EVL: variants seen among roughly 807,000 people sequenced by gnomAD.
EVL encodes Enah/Vasp-like, also known as ena/VASP-like protein.
EVL carries 21 observed loss-of-function variants against 59.6 expected under a neutral mutation model. The ratio of observed to expected loss-of-function variants is 0.35; its 90% confidence interval spans 0.25 to 0.51. The LOEUF (loss-of-function observed/expected upper bound fraction) is 0.51, where lower values mean the gene tolerates loss of function less well. Ranked by LOEUF, EVL falls within the 20% of genes least tolerant of loss-of-function variation. The pLI, the probability that EVL is intolerant of heterozygous loss-of-function variation, is 0.97. For synonymous variants in EVL, 198 were observed against 203.5 expected (o/e 0.97, Z 0.23); for missense variants, 462 against 546.6 (o/e 0.85, Z 1.54).
chr14:99,997,845 G>T (rs1218667359), intron 1 of EVL, among the ~76,000 whole-genome samples: 1 of 152,012 alleles, frequency 6.6e-6, no homozygotes, highest in Non-Finnish European at 1.5e-5. Context: ...CTTTCCTAAG[G>T]GGAAATACTC....
chr14:100,066,083 G>C (rs1314840175), intron 1 of EVL, among the ~76,000 whole-genome samples: 1 of 152,100 alleles, frequency 6.6e-6, no homozygotes, highest in Non-Finnish European at 1.5e-5. Context: ...CTCTCTAAAG[G>C]TGAGATTACA....
intron 1 of EVL, among the ~76,000 whole-genome samples, chr14:99,986,255 G>A (rs1473576606): frequency 7.1e-6 from 1 of 140,162 alleles, no homozygotes; most frequent in Non-Finnish European, 1.5e-5. Context: ...TTGCACCACC[G>A]TACTCCAGCC....
intron 12 of EVL, among the ~76,000 whole-genome samples, 171 bp from the exon 13 acceptor site, chr14:100,141,565 T>C (rs1889167218): frequency 6.6e-6 from 1 of 152,172 alleles, no homozygotes; most frequent in Non-Finnish European, 1.5e-5. Flanking sequence ...TTCCCAGGCC[T>C]CCCATGCCGT....
intron 2 of EVL, among the ~76,000 whole-genome samples, chr14:100,097,231 G>C (rs1402662577): frequency 1.3e-5 from 2 of 152,186 alleles, no homozygotes; most frequent in African/African-American, 4.8e-5. Flanking sequence ...CTGCCTCCCA[G>C]CTCAGCTGTT....
chr14:100,105,361 T>A (rs1886498175), intron 3 of EVL, among the ~76,000 whole-genome samples: 1 of 152,098 alleles, frequency 6.6e-6, no homozygotes, highest in Non-Finnish European at 1.5e-5. Flanking sequence ...AATTCTAGCC[T>A]TCCAGACTGA....
intron 7 of EVL, among the ~76,000 whole-genome samples, chr14:100,131,396 C>T (rs1158840059): frequency 6.6e-6 from 1 of 152,192 alleles, no homozygotes; most frequent in Non-Finnish European, 1.5e-5. Context: ...CTCTGAAATC[C>T]ACCTCAGTGA....
At chr14:100,037,337 A>T (rs543311439) in intron 1 of EVL, among the ~76,000 whole-genome samples, 16 of 152,366 alleles carry the variant, frequency 1.1e-4, no homozygotes, top group African/African-American at 3.4e-4. Flanking sequence ...TAAAGGAATC[A>T]CTTCCAGGAA....
intron 8 of EVL, among the ~76,000 whole-genome samples, chr14:100,133,099 G>A (rs947472120): frequency 7.2e-5 from 11 of 152,232 alleles, no homozygotes; most frequent in Admixed American, 4.6e-4. Flanking sequence ...CCAGGGTCTC[G>A]GCGGGACTGG....
At chr14:100,131,646 TG>T (rs1272818884) in intron 7 of EVL, among the ~76,000 whole-genome samples, 1 of 152,098 alleles carries the variant, frequency 6.6e-6, no homozygotes, top group Non-Finnish European at 1.5e-5. Flanking sequence ...CACTGGCTGC[TG>T]GGGGGTAGCT....
intron 1 of EVL, among the ~76,000 whole-genome samples, chr14:100,019,150 GTAC>G (rs2140199082): frequency 6.6e-6 from 1 of 152,306 alleles, no homozygotes; most frequent in South Asian, 2.1e-4. Context: ...GAATTTTTCA[GTAC>G]TTACGTTCAC....
intron 13 of EVL, chr14:100,142,349 C>G (rs1351290645): frequency 6.6e-6 from 1 of 152,608 alleles, no homozygotes; most frequent in Non-Finnish European, 1.5e-5. Context: ...CAGGGTGGGT[C>G]TCAATGCATC....
chr14:100,090,924 T>A (rs889931991), intron 2 of EVL, among the ~76,000 whole-genome samples: 3 of 152,098 alleles, frequency 2.0e-5, no homozygotes, highest in African/African-American at 7.2e-5. Context: ...CAAAACCATC[T>A]CGCATTGCAG....
chr14:100,039,957 T>C (rs1488024824), intron 1 of EVL, among the ~76,000 whole-genome samples: 1 of 152,202 alleles, frequency 6.6e-6, no homozygotes, highest in Non-Finnish European at 1.5e-5. Flanking sequence ...TTTTTAACTT[T>C]TTTGCAGAGA....
chr14:100,090,113 A>G (rs1285808198), intron 2 of EVL, among the ~76,000 whole-genome samples: 1 of 152,230 alleles, frequency 6.6e-6, no homozygotes, highest in Non-Finnish European at 1.5e-5. Context: ...AACTAATGAA[A>G]TAGAAAGCAG....
At chr14:100,025,491 A>G (rs2061195045) in intron 1 of EVL, among the ~76,000 whole-genome samples, 1 of 152,076 alleles carries the variant, frequency 6.6e-6, no homozygotes, top group Non-Finnish European at 1.5e-5. Context: ...CTCTCCCCAC[A>G]ATGGGCACTC....
At chr14:100,103,123 A>G (rs545034153) in intron 3 of EVL, among the ~76,000 whole-genome samples, 1 of 151,224 alleles carries the variant, frequency 6.6e-6, no homozygotes, top group South Asian at 2.1e-4. Context: ...AAAAAGACAC[A>G]AATCAGAGGC....
chr14:100,067,064 CG>C (rs1441573215), intron 1 of EVL, among the ~76,000 whole-genome samples: 1 of 152,108 alleles, frequency 6.6e-6, no homozygotes, highest in African/African-American at 2.4e-5. Flanking sequence ...GTACGGGGAG[CG>C]GAGTAGTGGC....
rs566865338 is a variant in EVL, at chr14:100,042,644, AT to A, written c.6-42040del. Among the ~76,000 whole-genome samples, 14 of 152,144 alleles carry A rather than the reference AT, an allele frequency of 9.2e-5. No individual in the cohort carries two copies. In the East Asian group the frequency reaches 2.7e-3, roughly 29 times the overall value. On this transcript the variant is annotated intron_variant, in intron 1 of 13. Coordinates refer to the EVL transcript ENST00000402714. ...TTCATATGCTTTTTTTGGTAGGAAG[AT>A]TTCTTTTTGGAGACCAGGAGTTACT...
At chr14:100,006,901 C>T (rs1318596948) in intron 1 of EVL, among the ~76,000 whole-genome samples, 1 of 151,644 alleles carries the variant, frequency 6.6e-6, no homozygotes, top group Non-Finnish European at 1.5e-5. Context: ...AGGGGTGCTT[C>T]CAGGCCTCAG....
Sources: gnomAD v4.1 joint callset for allele counts (sites outside exome capture counted in the v4.1 genomes callset) on GRCh38, gnomAD v4.1.1 for gene constraint, MANE v1.5 for transcripts, NCBI Gene and HGNC (gene_info 2026-07-23, HGNC 2026-07-21) for gene names.